Variants in FREM3 observed in about 807,000 individuals in gnomAD.
The protein encoded by FREM3 is FRAS1 related extracellular matrix 3.
Under a neutral mutation model 129.1 loss-of-function variants are expected in FREM3, and 105 were observed. The ratio of observed to expected loss-of-function variants is 0.81; its 90% CI spans 0.69 to 0.96. FREM3 has a LOEUF of 0.96. FREM3 is among the 40% of genes least tolerant of loss of function. The probability of loss-of-function intolerance (pLI) is 0.00; values close to 1 mark genes in which losing one functional copy is unlikely to be tolerated. For missense variants in FREM3, 2,593 were observed against 2,666.3 expected, an observed-to-expected ratio of 0.97 and a Z score of 0.61; for synonymous variants, 1,014 against 1,044.9, an observed-to-expected ratio of 0.97 and a Z score of 0.57.
At chr4:143,599,833 AGG>A (rs1215403299) in intron 6 of FREM3, among the ~76,000 whole-genome samples, 1 of 152,212 alleles carries the variant, frequency 6.6e-6, no homozygotes, top group African/African-American at 2.4e-5. Flanking sequence ...AGTGGAGACC[AGG>A]GTCTTGTTGA....
chr4:143,668,263 A>G (rs1240469438), intron 2 of FREM3, among the ~76,000 whole-genome samples: 1 of 152,202 alleles, frequency 6.6e-6, no homozygotes, highest in Non-Finnish European at 1.5e-5. Context: ...GCAAATGAAG[A>G]GAAGGTGGAA....
chr4:143,682,750 C>T (rs970636854), intron 2 of FREM3, among the ~76,000 whole-genome samples: 2 of 152,114 alleles, frequency 1.3e-5, no homozygotes, highest in East Asian at 1.9e-4. Flanking sequence ...TACTATGTGT[C>T]GGGCACTCTT....
intron 6 of FREM3, among the ~76,000 whole-genome samples, chr4:143,597,503 C>T (rs1232163992): frequency 6.6e-6 from 1 of 152,184 alleles, no homozygotes; most frequent in East Asian, 1.9e-4. Flanking sequence ...AAATGTGATG[C>T]TTCCAGCTCT....
chr4:143,604,516 A>G (rs2149838082), intron 6 of FREM3, among the ~76,000 whole-genome samples: 1 of 152,242 alleles, frequency 6.6e-6, no homozygotes, highest in South Asian at 2.1e-4. Flanking sequence ...CATATTCAGG[A>G]TACTAATAAA....
intron 5 of FREM3, among the ~76,000 whole-genome samples, chr4:143,620,247 C>A (rs1738922234): frequency 6.6e-6 from 1 of 152,192 alleles, no homozygotes; most frequent in Non-Finnish European, 1.5e-5. Context: ...AGGCCAACAG[C>A]TTCCAATCAG....
intron 2 of FREM3, among the ~76,000 whole-genome samples, chr4:143,650,091 C>T (rs946370635): frequency 1.1e-4 from 16 of 152,200 alleles, no homozygotes; most frequent in Admixed American, 1.0e-3. Flanking sequence ...AGTCAGCATT[C>T]CACCAGTTCA....
At chr4:143,611,159 T>C in intron 6 of FREM3, 120 bp downstream of exon 6, 1 of 1,149,058 alleles carries the variant, frequency 8.7e-7, no homozygotes. Context: ...TTTTTGGAGA[T>C]AAAAGAACAT....
intron 2 of FREM3, among the ~76,000 whole-genome samples, chr4:143,640,918 AT>A (rs1389501469): frequency 6.6e-6 from 1 of 152,284 alleles, no homozygotes; most frequent in African/African-American, 2.4e-5. Context: ...AAAATCTAGC[AT>A]TCTCATGTTC....
At chr4:143,579,760 T>A (rs879255872) in intron 7 of FREM3, among the ~76,000 whole-genome samples, 3 of 152,218 alleles carry the variant, frequency 2.0e-5, no homozygotes, top group African/African-American at 7.2e-5. Context: ...TAACACCTTA[T>A]ACATATATAC....
rs757472488 is a variant in FREM3 at position 143,673,814 on chromosome 4, G to A, written c.5275+19299C>T. ...TGGCAGTTGCCCCTCCCGCAGCCTC[G>A]CTGCCATCTTGCAGTTCTATCTCAG... On this transcript the variant is annotated intron_variant, in intron 2 of 7. Coordinates refer to ENST00000329798, the MANE Select transcript of FREM3 (RefSeq NM_001168235.2). 3.9e-4 allele frequency among the ~76,000 whole-genome samples: 60 copies of A among 152,326 alleles called. 1 individual carries two copies. Among genetic ancestry groups the A allele is most frequent in the Middle Eastern group, 3.4e-3 (1 of 294 alleles).
At chr4:143,627,556 A>G (rs1739062480) in intron 3 of FREM3, 58 bp downstream of exon 3, 9 of 1,299,072 alleles carry the variant, frequency 6.9e-6, no homozygotes, top group Non-Finnish European at 9.6e-6. Flanking sequence ...AATTATTTTT[A>G]GTCCCAGATT....
intron 2 of FREM3, among the ~76,000 whole-genome samples, chr4:143,669,145 G>C (rs1402020618): frequency 6.6e-6 from 1 of 152,156 alleles, no homozygotes; most frequent in African/African-American, 2.4e-5. Flanking sequence ...CAAAAACTCA[G>C]AGGAGTGGCT....
intron 4 of FREM3, among the ~76,000 whole-genome samples, chr4:143,623,331 C>T (rs1206640491): frequency 1.3e-5 from 2 of 152,106 alleles, no homozygotes; most frequent in Non-Finnish European, 2.9e-5. Context: ...CATTCTCTTA[C>T]GTAGTTCAGA....
chr4:143,697,063 C>T lies in FREM3; in HGVS notation c.3613G>A (p.Glu1205Lys). 6.5e-7 allele frequency: 1 copy of T among 1,537,618 alleles called. No homozygotes were observed. The highest frequency in any genetic ancestry group is 1.4e-5 in the African/African-American group (1 of 73,162). ...KLFAHEFKVLEGMSLVIDTQL... is the reference protein window; with the variant it reads ...KLFAHEFKVLKGMSLVIDTQL... ...GTGTCTATGACCAGGCTCATCCCCT[C>T]TAGTACCTTAAACTCATGGGCAAAA... The change falls in exon 1 of 8, where the codon GAG (glutamate) becomes AAG (lysine). Residue 1205 changes from glutamate (E) to lysine (K), a missense_variant. Physicochemically the swap from Glu to Lys is moderately conservative, Grantham distance 56 (BLOSUM62 1). This residue lies in a region of FREM3 where 2,276 missense variants were observed against 2,267.2 expected (regional missense o/e 1.00). Coordinates refer to ENST00000329798, the MANE Select transcript of FREM3 (RefSeq NM_001168235.2).
chr4:143,613,890 C>A lies in FREM3; in HGVS notation c.5780-2363G>T, dbSNP rs1173507023. Among the ~76,000 whole-genome samples the A allele has an allele frequency of 2.6e-5, 4 of 152,292 alleles. No individual in the cohort carries two copies. In the East Asian group the frequency reaches 5.8e-4, roughly 22 times the overall value. On this transcript the variant is annotated intron_variant, in intron 5 of 7. Transcript: ENST00000329798. ...ACTAAATATAACTATCTGTATTAAA[C>A]CTCTTTCTCAATATATGTCACCTAA...
intron 2 of FREM3, among the ~76,000 whole-genome samples, chr4:143,646,794 T>A (rs1317099503): frequency 6.6e-6 from 1 of 152,226 alleles, no homozygotes; most frequent in Non-Finnish European, 1.5e-5. Context: ...AGAGTGGGGT[T>A]CTTCTATAAA....
intron 2 of FREM3, among the ~76,000 whole-genome samples, chr4:143,667,186 T>G (rs1177494352): frequency 6.6e-6 from 1 of 152,144 alleles, no homozygotes; most frequent in Non-Finnish European, 1.5e-5. Flanking sequence ...ATACTGTATT[T>G]TATGTGGAAG....
chr4:143,690,881 C>G (rs1387208462), intron 2 of FREM3, among the ~76,000 whole-genome samples: 1 of 152,122 alleles, frequency 6.6e-6, no homozygotes, highest in Non-Finnish European at 1.5e-5. Context: ...GGCATGGCAG[C>G]ACATGCCTGT....
intron 5 of FREM3, among the ~76,000 whole-genome samples, chr4:143,618,386 A>G (rs1308978092): frequency 6.6e-6 from 1 of 152,020 alleles, no homozygotes; most frequent in Non-Finnish European, 1.5e-5. Context: ...AGGTATTTTC[A>G]TGTTTGTGGT....
Sources: gnomAD v4.1 joint callset for allele counts (sites outside exome capture counted in the v4.1 genomes callset) on GRCh38, gnomAD v4.1.1 for gene constraint, gnomAD v4.1.1 regional missense constraint, MANE v1.5 for transcripts, NCBI Gene and HGNC (gene_info 2026-07-23, HGNC 2026-07-21) for gene names.